Variants in ECHDC2 observed in about 807,000 individuals in gnomAD.
ECHDC2 encodes the protein enoyl-CoA hydratase domain-containing protein 2, mitochondrial.
A neutral mutation model predicts 40.6 loss-of-function variants in ECHDC2; 34 were observed. That is an observed-to-expected ratio of 0.84 (90% CI 0.64 to 1.11). ECHDC2 has a LOEUF of 1.11. Ranked by LOEUF, ECHDC2 falls within the 50% of genes most tolerant of loss-of-function variation. ECHDC2 has a pLI of 0.00. For missense variants in ECHDC2, 392 were observed against 400.7 expected (o/e 0.98, Z 0.19); for synonymous variants, 162 against 166.6 (o/e 0.97, Z 0.21).
At chr1:52,915,082 C>T in intron 1 of ECHDC2, 1 of 378,366 alleles carries the variant, frequency 2.6e-6, no homozygotes, top group Non-Finnish European at 5.3e-6. Context: ...CCCCCGCCAT[C>T]TAGTCAGGGT....
At chr1:52,906,265 C>T (rs1046159106) in intron 5 of ECHDC2, 71 of 556,278 alleles carry the variant, frequency 1.3e-4, no homozygotes, top group Non-Finnish European at 1.1e-4. Flanking sequence ...ACAGCAATTG[C>T]TCTGAGGTTG....
At position 52,907,781 on chromosome 1, in the gene ECHDC2, C is replaced by T. The variant is rs1648287037; in HGVS notation, c.364+87G>A. ...CACAGAACTCCAAACAGAAAGAAGACTCTCCTTAGATGCTGGTGGGGGTAG... is the reference window on the plus strand; with the variant it reads ...CACAGAACTCCAAACAGAAAGAAGATTCTCCTTAGATGCTGGTGGGGGTAG... On this transcript the variant is annotated intron_variant, in intron 4 of 9. Transcript: ENST00000371522. 2.6e-6 allele frequency: 3 copies of T among 1,153,664 alleles called. No homozygotes were observed. In the South Asian group the frequency reaches 4.2e-5, roughly 16 times the overall value. 71.5% of individuals were successfully genotyped at this position (1,153,664 alleles called of 1,614,324 possible).
intron 1 of ECHDC2, chr1:52,920,581 A>T (rs948251527): frequency 9.5e-6 from 12 of 1,259,538 alleles, no homozygotes; most frequent in Non-Finnish European, 1.4e-5. Context: ...GGAATTAAGA[A>T]ATCTGGCAAA....
chr1:52,906,429 G>A (rs1472665635), intron 5 of ECHDC2, 90 bp downstream of exon 5: 2 of 1,139,548 alleles, frequency 1.8e-6, no homozygotes, highest in Admixed American at 2.0e-5. Flanking sequence ...GCCAAGAACA[G>A]TGGCTGACTG....
chr1:52,901,437 C>T (rs1290966556), intron 7 of ECHDC2: 1 of 152,226 alleles, frequency 6.6e-6, no homozygotes. Context: ...CAGCTGAATC[C>T]ATTTCTCAAA....
intron 1 of ECHDC2, among the ~76,000 whole-genome samples, chr1:52,918,752 T>C (rs925360471): frequency 1.3e-5 from 2 of 152,198 alleles, no homozygotes; most frequent in East Asian, 1.9e-4. Flanking sequence ...TAATTTATCA[T>C]TGAAGAAAGA....
intron 8 of ECHDC2, 35 bp downstream of exon 8, chr1:52,899,139 T>C (rs1176759252): frequency 2.5e-6 from 4 of 1,613,188 alleles, no homozygotes; most frequent in South Asian, 1.1e-5. Context: ...CGACCAACTT[T>C]AGTGGACCCA....
At chr1:52,909,564 T>C (rs564265562) in intron 3 of ECHDC2, among the ~76,000 whole-genome samples, 1 of 149,712 alleles carries the variant, frequency 6.7e-6, no homozygotes, top group Admixed American at 6.7e-5. Flanking sequence ...AATCTTATAA[T>C]GTCTTAAGAA....
intron 7 of ECHDC2, among the ~76,000 whole-genome samples, chr1:52,903,171 G>T (rs1020121519): frequency 9.2e-5 from 14 of 152,228 alleles, no homozygotes; most frequent in Admixed American, 4.6e-4. Flanking sequence ...AGCTGGTAGG[G>T]TTGTACCTGG....
At chr1:52,918,456 A>G (rs1651204665) in intron 1 of ECHDC2, among the ~76,000 whole-genome samples, 1 of 152,074 alleles carries the variant, frequency 6.6e-6, no homozygotes, top group Non-Finnish European at 1.5e-5. Context: ...AGGAGATGGC[A>G]GCTCCATGCA....
intron 7 of ECHDC2, among the ~76,000 whole-genome samples, chr1:52,903,670 C>T (rs111953571): frequency 0.031 from 4,635 of 151,660 alleles, 207 homozygotes; most frequent in African/African-American, 0.093. Flanking sequence ...GAGGCTGAGG[C>T]GGGAGGATCA....
At chr1:52,918,054 A>G (rs930925901) in intron 1 of ECHDC2, among the ~76,000 whole-genome samples, 2 of 152,156 alleles carry the variant, frequency 1.3e-5, no homozygotes, top group African/African-American at 4.8e-5. Flanking sequence ...CTCATGGGTT[A>G]AACACCTTTG....
chr1:52,899,173 C>T lies in ECHDC2; in HGVS notation c.753+1G>A, dbSNP rs1348739999. On this transcript the variant is annotated splice_donor_variant, in intron 8 of 9. Coordinates refer to ENST00000371522, the MANE Select transcript of ECHDC2 (RefSeq NM_001198961.2). LOFTEE classifies it high-confidence loss of function. ...CAAGTCCCAACCCAAAACCCTCTCA[C>T]CTCCGTTCCTCGGTCAATGGCTACT... The T allele has an allele frequency of 1.2e-6, 2 of 1,614,190 alleles. No individual in the cohort carries two copies. The highest frequency in any genetic ancestry group is 1.7e-5 in the Admixed American group (1 of 60,024).
At chr1:52,906,406 C>T (rs1256968569) in intron 5 of ECHDC2, 113 bp downstream of exon 5, 2 of 966,146 alleles carry the variant, frequency 2.1e-6, no homozygotes, top group Non-Finnish European at 3.2e-6. Context: ...CTTAGTTTTG[C>T]TTTTGGTTGG....
At chr1:52,912,578 A>C (rs1026790950) in intron 1 of ECHDC2, among the ~76,000 whole-genome samples, 1 of 152,002 alleles carries the variant, frequency 6.6e-6, no homozygotes, top group Non-Finnish European at 1.5e-5. Flanking sequence ...CCTTATAACC[A>C]CCACCCAAAT....
Position 52,896,604 on chromosome 1 carries a change from C to G in ECHDC2, c.802-7G>C, listed in dbSNP as rs1646649227. ...GGTCCCGGGTTGGAATATTCTGCAA[C>G]AAGGTACAAAATATTAGTTTTGGGG... is the stretch of plus-strand genomic sequence containing the variant. On this transcript the variant is annotated splice_polypyrimidine_tract_variant and splice_region_variant and intron_variant, in intron 9 of 9. Transcript: ENST00000371522. 4 of 1,613,308 alleles carry G rather than the reference C, an allele frequency of 2.5e-6. No individual in the cohort carries two copies. In the South Asian group the frequency reaches 4.4e-5, roughly 18 times the overall value.
At chr1:52,921,292 C>T in intron 1 of ECHDC2, 1 of 693,784 alleles carries the variant, frequency 1.4e-6, no homozygotes, top group African/African-American at 1.9e-5. Context: ...ACCCCGCTCC[C>T]CCTTCCACAC....
chr1:52,898,802 C>T (rs972380096), intron 8 of ECHDC2: 1 of 340,118 alleles, frequency 2.9e-6, no homozygotes, highest in African/African-American at 2.2e-5. Flanking sequence ...ACACCCAAGG[C>T]ATCACCCCAA....
intron 3 of ECHDC2, 48 bp from the exon 4 acceptor site, chr1:52,908,002 A>C: frequency 6.4e-7 from 1 of 1,572,986 alleles, no homozygotes; most frequent in Non-Finnish European, 8.7e-7. Flanking sequence ...ATGGCACTTT[A>C]CGGAATCCCA....
Sources: allele counts gnomAD v4.1 joint callset (sites outside exome capture counted in the v4.1 genomes callset), GRCh38; gene constraint gnomAD v4.1.1; transcripts MANE v1.5; gene names NCBI Gene and HGNC (gene_info 2026-07-23, HGNC 2026-07-21).